BAIAP2: variants seen among roughly 807,000 people sequenced by gnomAD.
BAIAP2 encodes the protein BAR/IMD domain containing adaptor protein 2, also known as BAR/IMD domain-containing adapter protein 2.
A neutral mutation model predicts 63.0 loss-of-function variants in BAIAP2; 18 were observed. The observed-to-expected ratio is 0.29, with a 90% confidence interval of 0.20 to 0.42. BAIAP2 has a LOEUF of 0.42. Ranked by LOEUF, BAIAP2 falls within the 10% of genes least tolerant of loss-of-function variation. BAIAP2 has a pLI of 1.00. For synonymous variants in BAIAP2, 386 were observed against 307.6 expected, an observed-to-expected ratio of 1.25 and a Z score of -2.67; for missense variants, 610 against 734.3, an observed-to-expected ratio of 0.83 and a Z score of 1.96.
At position 81,103,933 on chromosome 17, in the gene BAIAP2, C is replaced by T; in HGVS notation, c.891C>T (p.Pro297=). 1.9e-6 allele frequency: 3 copies of T among 1,613,026 alleles called. No individual in the cohort carries two copies. The highest frequency in any genetic ancestry group is 2.2e-5 in the East Asian group (1 of 44,882). Reference sequence around the variant, plus strand: ...GGATGTCTGCCCAGGAGAGCACACCCATCATGAACGGCGTCACAGGCCCGG... The same window carrying T: ...GGATGTCTGCCCAGGAGAGCACACCTATCATGAACGGCGTCACAGGCCCGG... The part of the protein sequence containing the change: ...VGRMSAQEST[P]IMNGVTGPDG... The change falls in exon 9 of 14, where the codon CCC becomes CCT. Residue 297 remains proline (P), a synonymous_variant. Coordinates refer to ENST00000428708, the MANE Select transcript of BAIAP2 (RefSeq NM_001144888.2).
rs371666322 is a variant in BAIAP2 at position 81,103,531 on chromosome 17, G to A, written c.672G>A (p.Pro224=). 3.6e-5 allele frequency: 58 copies of A among 1,590,420 alleles called. No homozygotes were observed. The highest frequency in any genetic ancestry group is 1.7e-4 in the Middle Eastern group (1 of 6,000). ...AGGAGCTGCTGGCGCAGAAGCTGCC[G>A]CTGTGGCAACAGGCCTGTGCCGACC... is the stretch of plus-strand genomic sequence containing the variant. ...KGKELLAQKL[P]LWQQACADPS... Residue 224 remains proline (P), a synonymous_variant, in exon 8 of 14, where the codon CCG becomes CCA. Coordinates refer to ENST00000428708, the MANE Select transcript of BAIAP2 (RefSeq NM_001144888.2).
At chr17:81,108,678 C>T (rs1025604860) in intron 13 of BAIAP2, 169 bp downstream of exon 13, 12 of 932,774 alleles carry the variant, frequency 1.3e-5, no homozygotes, top group South Asian at 1.7e-5. Flanking sequence ...CTGCTTTCTC[C>T]GAGTGACACG....
chr17:81,073,085 C>T (rs1430928742), intron 3 of BAIAP2, among the ~76,000 whole-genome samples: 1 of 152,114 alleles, frequency 6.6e-6, no homozygotes. Context: ...CTCTGGGGCC[C>T]TGGTGGCCCC....
intron 1 of BAIAP2, among the ~76,000 whole-genome samples, chr17:81,039,044 C>T (rs1040159582): frequency 2.0e-5 from 3 of 152,248 alleles, no homozygotes; most frequent in African/African-American, 7.2e-5. Context: ...CCTGGGGTGG[C>T]CCCCATGGGC....
At position 81,088,210 on chromosome 17, in the gene BAIAP2, G is replaced by A. The variant is rs933957858; in HGVS notation, c.489+1630G>A. ...CAGGTGTGAGCCAGCCCTGAGCACC[G>A]AGGCCAGGTGTGAGAGCTTGTCTTA... is the stretch of plus-strand genomic sequence containing the variant. On this transcript the variant is annotated intron_variant, in intron 6 of 13. Coordinates refer to ENST00000428708, the MANE Select transcript of BAIAP2 (RefSeq NM_001144888.2). 2.6e-5 allele frequency among the ~76,000 whole-genome samples: 4 copies of A among 152,064 alleles called. No homozygotes were observed. In the East Asian group the frequency reaches 5.8e-4, roughly 22 times the overall value.
intron 1 of BAIAP2, among the ~76,000 whole-genome samples, chr17:81,047,833 C>T (rs1381129717): frequency 3.9e-5 from 6 of 152,268 alleles, no homozygotes; most frequent in Non-Finnish European, 5.9e-5. Flanking sequence ...CTAGCACACT[C>T]GTGAGTGTAC....
intron 1 of BAIAP2, among the ~76,000 whole-genome samples, chr17:81,044,384 A>C (rs1465636044): frequency 3.3e-5 from 5 of 152,186 alleles, no homozygotes; most frequent in African/African-American, 1.2e-4. Flanking sequence ...ACACGGCGCC[A>C]CAGACTGGTG....
chr17:81,108,597 C>A, intron 13 of BAIAP2, 88 bp downstream of exon 13: 1 of 1,536,000 alleles, frequency 6.5e-7, no homozygotes, highest in Non-Finnish European at 9.0e-7. Flanking sequence ...GACCTGGGGC[C>A]ACCTCTTTTC....
rs376750865 is a variant in BAIAP2, at chr17:81,096,060, G to C, written c.490-3868G>C. Among the ~76,000 whole-genome samples the C allele has an allele frequency of 4.4e-4, 67 of 152,230 alleles. No homozygotes were observed. The East Asian group carries it at 0.012, about 28-fold the overall frequency. ...TTCTCAGGGTGAGGAGACCCAGGGG[G>C]CCCTGCAGCCTAGTTTACACTGCTG... On this transcript the variant is annotated intron_variant, in intron 6 of 13. Coordinates refer to ENST00000428708, the MANE Select transcript of BAIAP2 (RefSeq NM_001144888.2).
At chr17:81,050,588 C>T (rs1445999794) in intron 1 of BAIAP2, among the ~76,000 whole-genome samples, 2 of 152,158 alleles carry the variant, frequency 1.3e-5, no homozygotes, top group East Asian at 1.9e-4. Context: ...GGTCATGGTC[C>T]TGGAGCCAAG....
At chr17:81,093,038 A>G (rs929249053) in intron 6 of BAIAP2, among the ~76,000 whole-genome samples, 3 of 151,158 alleles carry the variant, frequency 2.0e-5, no homozygotes, top group Non-Finnish European at 4.4e-5. Flanking sequence ...CCCATCCTGC[A>G]TCTGGAACCC....
chr17:81,098,081 C>T, intron 6 of BAIAP2: 1 of 1,321,082 alleles, frequency 7.6e-7, no homozygotes, highest in Non-Finnish European at 9.7e-7. Context: ...CCCAGGCCAG[C>T]TGGGGTCATG....
chr17:81,098,104 G>T, intron 6 of BAIAP2: 1 of 1,378,512 alleles, frequency 7.3e-7, no homozygotes, highest in South Asian at 1.7e-5. Context: ...GGGGCCAGCG[G>T]GGGGTGGGGA....
intron 12 of BAIAP2, chr17:81,107,193 C>A (rs757053420): frequency 2.5e-6 from 1 of 392,476 alleles, no homozygotes; most frequent in Non-Finnish European, 4.5e-6. Flanking sequence ...ACTGCTCTGT[C>A]CAAGGGGGCA....
chr17:81,110,348 G>A (rs1598844218), intron 13 of BAIAP2: 1 of 986,414 alleles, frequency 1.0e-6, no homozygotes, highest in East Asian at 1.1e-4. Context: ...CAAATCCAGG[G>A]GATTCCATGC....
intron 1 of BAIAP2, among the ~76,000 whole-genome samples, chr17:81,037,797 G>T (rs1439517983): frequency 6.6e-6 from 1 of 152,278 alleles, no homozygotes; most frequent in African/African-American, 2.4e-5. Context: ...CTTAACTGCA[G>T]TTCTGAGTGG....
chr17:81,092,119 G>A (rs562736852), intron 6 of BAIAP2, among the ~76,000 whole-genome samples: 91 of 152,254 alleles, frequency 6.0e-4, no homozygotes, highest in Non-Finnish European at 1.1e-3. Context: ...AGAGCTGGGT[G>A]TCTCGAAGTG....
intron 13 of BAIAP2, 183 bp downstream of exon 13, chr17:81,108,692 AC>A: frequency 3.4e-6 from 3 of 882,514 alleles, no homozygotes; most frequent in Non-Finnish European, 3.4e-6. Context: ...TGACACGGGA[AC>A]CCCCCTGGGC....
intron 7 of BAIAP2, among the ~76,000 whole-genome samples, 170 bp downstream of exon 7, chr17:81,100,250 C>T (rs1395308461): frequency 3.3e-5 from 5 of 152,218 alleles, no homozygotes; most frequent in Non-Finnish European, 7.3e-5. Context: ...ATTACCAGGT[C>T]ACAGGGTGCA....
Sources: gnomAD v4.1 joint callset for allele counts (sites outside exome capture counted in the v4.1 genomes callset) on GRCh38, gnomAD v4.1.1 for gene constraint, MANE v1.5 for transcripts, NCBI Gene and HGNC (gene_info 2026-07-23, HGNC 2026-07-21) for gene names.